Variants in PCDH15 observed in about 807,000 individuals in gnomAD.
PCDH15 encodes protocadherin related 15.
PCDH15 carries 129 observed loss-of-function variants against 178.5 expected under a neutral mutation model. That is an observed-to-expected ratio of 0.72 (90% CI 0.63 to 0.84). The LOEUF (loss-of-function observed/expected upper bound fraction) is 0.84, where lower values mean the gene tolerates loss of function less well. Among genes scored for constraint, PCDH15 ranks in the 40% least tolerant of loss-of-function variants. The pLI is 0.00. For missense variants in PCDH15, 2,230 were observed against 2,099.9 expected, an observed-to-expected ratio of 1.06 and a Z score of -1.21; for synonymous variants, 800 against 732.0, an observed-to-expected ratio of 1.09 and a Z score of -1.50.
At chr10:55,264,787 T>C (rs879517752) in intron 1 of PCDH15, among the ~76,000 whole-genome samples, 6 of 152,148 alleles carry the variant, frequency 3.9e-5, no homozygotes, top group South Asian at 2.1e-4. Flanking sequence ...CAGCAAGGAA[T>C]TGCTTGGCCT....
chr10:55,342,661 C>A (rs369248696), intron 2 of PCDH15, among the ~76,000 whole-genome samples: 1 of 151,944 alleles, frequency 6.6e-6, no homozygotes, highest in South Asian at 2.1e-4. Flanking sequence ...CTGATTTTGG[C>A]AGGACTAAAA....
intron 2 of PCDH15, among the ~76,000 whole-genome samples, chr10:55,602,318 C>G (rs967065491): frequency 6.6e-6 from 1 of 150,616 alleles, no homozygotes; most frequent in South Asian, 2.2e-4. Context: ...GGGAGGGGCG[C>G]CCACAATTGC....
At chr10:54,838,000 T>C (rs1953346960) in intron 3 of PCDH15, among the ~76,000 whole-genome samples, 1 of 152,028 alleles carries the variant, frequency 6.6e-6, no homozygotes, top group Non-Finnish European at 1.5e-5. Context: ...AGGAACAGCC[T>C]TTCCCACCTA....
At chr10:53,949,420 C>T (rs1215677650) in intron 23 of PCDH15, among the ~76,000 whole-genome samples, 1 of 152,190 alleles carries the variant, frequency 6.6e-6, no homozygotes, top group Non-Finnish European at 1.5e-5. Flanking sequence ...CTTCAGACAG[C>T]TTTCATTAAC....
chr10:55,603,778 C>A (rs1357888430), intron 2 of PCDH15, among the ~76,000 whole-genome samples: 5 of 147,642 alleles, frequency 3.4e-5, no homozygotes, highest in African/African-American at 7.5e-5. Context: ...TGGTACCAGC[C>A]GCTGCAAAAT....
rs935278110 is a variant in PCDH15 at position 54,236,877 on chromosome 10, G to T, written c.931C>A (p.Arg311=). The T allele has an allele frequency of 6.2e-7, 1 of 1,613,466 alleles. No individual in the cohort carries two copies. The highest frequency in any genetic ancestry group is 1.7e-5 in the Admixed American group (1 of 59,968). The stretch of plus-strand genomic sequence containing the variant: ...CTATCTGATGGCGGTTGAATATTCC[G>T]GTCCTGATCAATGGCTTGGATTGGT... ...TPPIQAIDQD[R]NIQPPSDRPG... is the part of the protein sequence containing the mutation. The change falls in exon 9 of 38, where the codon CGG becomes AGG. Residue 311 remains arginine (R), a synonymous_variant. Coordinates refer to ENST00000644397, the MANE Select transcript of PCDH15 (RefSeq NM_001384140.1).
intron 2 of PCDH15, among the ~76,000 whole-genome samples, chr10:55,569,656 A>G (rs1217182221): frequency 1.3e-5 from 2 of 151,858 alleles, no homozygotes; most frequent in African/African-American, 2.4e-5. Flanking sequence ...CTCTGTTTCT[A>G]AGGAAATGTG....
Position 54,253,936 on chromosome 10 carries a change from T to C in PCDH15, c.877-17005A>G, listed in dbSNP as rs2056702864. Among the ~76,000 whole-genome samples the C allele has an allele frequency of 3.3e-5, 5 of 152,194 alleles. 1 individual carries two copies. In the South Asian group the frequency reaches 1.0e-3, roughly 31 times the overall value. ...TTTTCCAATAGTATTTAATCTAATATGTTAAAAATTTTAAACATATACAGC... is the reference window on the plus strand; with the variant it reads ...TTTTCCAATAGTATTTAATCTAATACGTTAAAAATTTTAAACATATACAGC... On this transcript the variant is annotated intron_variant, in intron 8 of 37. Coordinates refer to ENST00000644397, the MANE Select transcript of PCDH15 (RefSeq NM_001384140.1).
intron 28 of PCDH15, among the ~76,000 whole-genome samples, chr10:53,845,915 T>A (rs1483510486): frequency 1.3e-5 from 2 of 151,686 alleles, no homozygotes; most frequent in Non-Finnish European, 3.0e-5. Flanking sequence ...AGTTGATGGA[T>A]ATTCCAATTA....
Position 54,848,336 on chromosome 10 carries a change from T to C in PCDH15, c.-29+49114A>G, listed in dbSNP as rs111319433. Among the ~76,000 whole-genome samples the C allele has an allele frequency of 3.7e-3, 544 of 147,806 alleles. 2 individuals are homozygous for C. The highest frequency in any genetic ancestry group is 0.013 in the African/African-American group (522 of 39,686). On this transcript the variant is annotated intron_variant, in intron 3 of 5. Coordinates refer to the PCDH15 transcript ENST00000458638. Reference sequence around the variant, plus strand: ...GGCAGAAGTTGCAGTGAGCCGAGATTGCGCCTCTGCACTCCAGCCTGGGCA... The same window carrying C: ...GGCAGAAGTTGCAGTGAGCCGAGATCGCGCCTCTGCACTCCAGCCTGGGCA...
upstream of PCDH15, among the ~76,000 whole-genome samples, chr10:54,803,298 A>T (rs958798734): frequency 6.6e-6 from 1 of 152,204 alleles, no homozygotes; most frequent in Non-Finnish European, 1.5e-5. Context: ...ATGTATATGT[A>T]TATTTTCTTT....
At chr10:54,485,341 T>G (rs143153535) in intron 3 of PCDH15, among the ~76,000 whole-genome samples, 131 of 152,076 alleles carry the variant, frequency 8.6e-4, no homozygotes, top group African/African-American at 3.1e-3. Context: ...TATGGGGATC[T>G]AGCTCCTCAG....
At chr10:54,259,170 T>C (rs1456812243) in intron 8 of PCDH15, among the ~76,000 whole-genome samples, 2 of 152,222 alleles carry the variant, frequency 1.3e-5, no homozygotes, top group Non-Finnish European at 2.9e-5. Context: ...TAGAAAGTAA[T>C]AAATTGCATG....
At chr10:54,359,477 A>C (rs1945642405) in intron 5 of PCDH15, among the ~76,000 whole-genome samples, 1 of 152,046 alleles carries the variant, frequency 6.6e-6, no homozygotes, top group Admixed American at 6.6e-5. Flanking sequence ...TTAAATAAAT[A>C]ATGTAAAATA....
At chr10:54,820,710 C>T (rs763691622) in intron 3 of PCDH15, among the ~76,000 whole-genome samples, 36 of 152,122 alleles carry the variant, frequency 2.4e-4, no homozygotes, top group Non-Finnish European at 5.0e-4. Flanking sequence ...TTTGCTAAAT[C>T]TGACATCTAC....
intron 2 of PCDH15, among the ~76,000 whole-genome samples, chr10:55,083,100 T>C (rs1171906481): frequency 6.6e-6 from 1 of 151,124 alleles, no homozygotes; most frequent in Non-Finnish European, 1.5e-5. Flanking sequence ...ATACGTCAAA[T>C]AGAAAACTAT....
At position 53,940,935 on chromosome 10, in the gene PCDH15, C is replaced by A. The variant is rs202197103; in HGVS notation, c.3163G>T (p.Val1055Phe). 10 of 1,613,698 alleles carry A rather than the reference C, an allele frequency of 6.2e-6. No homozygotes were observed. Among genetic ancestry groups the A allele is most frequent in the Non-Finnish European group, 8.5e-7 (1 of 1,179,676 alleles). The change falls in exon 24 of 38, where the codon GTT becomes TTT. Residue 1055 changes from valine (V) to phenylalanine (F), a missense_variant. Coordinates refer to ENST00000644397, the MANE Select transcript of PCDH15 (RefSeq NM_001384140.1). ...VSELATKGTM[V>F]GVISAAAINQ... ...ATGGCAGCAGCAGAAATTACACCAA[C>A]CATGGTCCCTTTGGTGGCAAGTTCA...
chr10:54,302,294 G>T (rs1175727840), intron 8 of PCDH15, among the ~76,000 whole-genome samples: 1 of 152,102 alleles, frequency 6.6e-6, no homozygotes, highest in African/African-American at 2.4e-5. Flanking sequence ...ATTATGTGTT[G>T]TACAGGGAAA....
At chr10:54,368,571 C>T (rs1178978814) in intron 5 of PCDH15, among the ~76,000 whole-genome samples, 1 of 151,920 alleles carries the variant, frequency 6.6e-6, no homozygotes, top group Non-Finnish European at 1.5e-5. Context: ...AACAAACAAG[C>T]ATGTCCTTAA....
Sources: gnomAD v4.1 joint callset for allele counts (sites outside exome capture counted in the v4.1 genomes callset) on GRCh38, gnomAD v4.1.1 for gene constraint, MANE v1.5 for transcripts, NCBI Gene and HGNC (gene_info 2026-07-23, HGNC 2026-07-21) for gene names.